Variants in PSMB7 observed in about 807,000 individuals in gnomAD.
PSMB7 encodes the protein proteasome 20S subunit beta 7.
A neutral mutation model predicts 28.1 loss-of-function variants in PSMB7; 5 were observed. The ratio of observed to expected loss-of-function variants is 0.18; its 90% CI spans 0.09 to 0.37. The LOEUF is 0.37. Among genes scored for constraint, PSMB7 ranks in the 10% least tolerant of loss-of-function variants. The probability of loss-of-function intolerance (pLI) is 1.00; values close to 1 mark genes in which losing one functional copy is unlikely to be tolerated. For synonymous variants in PSMB7, 122 were observed against 123.7 expected, an observed-to-expected ratio of 0.99 and a Z score of 0.09; for missense variants, 275 against 346.2, an observed-to-expected ratio of 0.79 and a Z score of 1.63.
intron 6 of PSMB7, among the ~76,000 whole-genome samples, chr9:124,373,774 G>A (rs1399347854): frequency 6.6e-6 from 1 of 152,174 alleles, no homozygotes; most frequent in African/African-American, 2.4e-5. Context: ...TGGAAAGGAG[G>A]ACATATAGAA....
intron 5 of PSMB7, among the ~76,000 whole-genome samples, chr9:124,402,463 G>A (rs952355802): frequency 6.6e-6 from 1 of 152,164 alleles, no homozygotes; most frequent in Non-Finnish European, 1.5e-5. Context: ...TAAATTTGAT[G>A]ACTTTATCAA....
At chr9:124,385,485 C>G (rs974775946) in intron 5 of PSMB7, among the ~76,000 whole-genome samples, 4 of 152,278 alleles carry the variant, frequency 2.6e-5, no homozygotes, top group African/African-American at 9.6e-5. Flanking sequence ...GTTCAAAAAC[C>G]AGAGAATCTT....
chr9:124,414,346 C>A lies in PSMB7; in HGVS notation c.157-341G>T, dbSNP rs944968283. On this transcript the variant is annotated intron_variant, in intron 2 of 7. Coordinates refer to ENST00000259457, the MANE Select transcript of PSMB7 (RefSeq NM_002799.4). Reference sequence around the variant, plus strand: ...TAAATTAGCCATCACTATCAATTTCCTTTTAAAACATGTTGCTTTTCTTTA... The same window carrying A: ...TAAATTAGCCATCACTATCAATTTCATTTTAAAACATGTTGCTTTTCTTTA... Among the ~76,000 whole-genome samples, 4 of 152,186 alleles carry A rather than the reference C, an allele frequency of 2.6e-5. No individual in the cohort carries two copies. The East Asian group carries it at 7.7e-4, about 29-fold the overall frequency.
At chr9:124,368,500 A>G (rs890368519) in intron 6 of PSMB7, among the ~76,000 whole-genome samples, 8 of 152,262 alleles carry the variant, frequency 5.3e-5, no homozygotes, top group Non-Finnish European at 8.8e-5. Flanking sequence ...GCAAAGAGCT[A>G]TCAAATTCAC....
rs1172930479 is a variant in PSMB7 at position 124,356,961 on chromosome 9, C to A, written c.571-46G>T. 3.1e-6 allele frequency: 5 copies of A among 1,609,780 alleles called. No homozygotes were observed. The highest frequency in any genetic ancestry group is 1.7e-4 in the Middle Eastern group (1 of 6,022). ...AATAATGTCCCCGGCCAAACTAGGG[C>A]CTGCTCTGACATCCGCAATGTACGT... On this transcript the variant is annotated intron_variant, in intron 6 of 7. Transcript: ENST00000259457. This position sits in a 1 kb window ranked among gnomAD's most constrained non-coding sequence, Gnocchi z 4.4.
chr9:124,413,535 C>T (rs1189911075), intron 3 of PSMB7, among the ~76,000 whole-genome samples: 1 of 151,790 alleles, frequency 6.6e-6, no homozygotes, highest in Non-Finnish European at 1.5e-5. Context: ...CAATAGGATG[C>T]CTAAGAGAGG....
chr9:124,413,013 G>A (rs1047498424), intron 3 of PSMB7, among the ~76,000 whole-genome samples: 1 of 151,698 alleles, frequency 6.6e-6, no homozygotes, highest in African/African-American at 2.4e-5. Flanking sequence ...AATTGATTCT[G>A]ATCATTAAGA....
chr9:124,395,045 C>G lies in PSMB7; in HGVS notation c.511+10272G>C, dbSNP rs559039982. 9.8e-5 allele frequency among the ~76,000 whole-genome samples: 15 copies of G among 152,310 alleles called. 1 individual carries two copies. The South Asian group carries it at 3.1e-3, about 32-fold the overall frequency. On this transcript the variant is annotated intron_variant, in intron 5 of 7. Coordinates refer to ENST00000259457, the MANE Select transcript of PSMB7 (RefSeq NM_002799.4). The stretch of plus-strand genomic sequence containing the variant: ...AAAAATGTATTGACACTAAAACTAT[C>G]AAAATACTATGCACCAAACATCTAC...
At chr9:124,377,828 C>T (rs1315423468) in intron 6 of PSMB7, among the ~76,000 whole-genome samples, 1 of 152,184 alleles carries the variant, frequency 6.6e-6, no homozygotes, top group African/African-American at 2.4e-5. Context: ...AGGAGCTCAT[C>T]CCTCGGTATT....
chr9:124,398,165 T>C (rs1588579693), intron 5 of PSMB7, among the ~76,000 whole-genome samples: 1 of 145,188 alleles, frequency 6.9e-6, no homozygotes, highest in Non-Finnish European at 1.5e-5. Context: ...AGAGTGAGAC[T>C]CCATCTCAAA....
At chr9:124,377,544 G>T (rs994737640) in intron 6 of PSMB7, among the ~76,000 whole-genome samples, 2 of 152,140 alleles carry the variant, frequency 1.3e-5, no homozygotes, top group South Asian at 2.1e-4. Context: ...AACCATATTG[G>T]TATCAACTCT....
intron 5 of PSMB7, among the ~76,000 whole-genome samples, chr9:124,402,043 G>T (rs1385423622): frequency 6.6e-6 from 1 of 151,006 alleles, no homozygotes; most frequent in Non-Finnish European, 1.5e-5. Flanking sequence ...GCTGATAAAT[G>T]AGTGGAGGAA....
chr9:124,357,986 C>T (rs1371077369), intron 6 of PSMB7, among the ~76,000 whole-genome samples: 1 of 152,192 alleles, frequency 6.6e-6, no homozygotes, highest in Admixed American at 6.5e-5. Context: ...CTGGGGAACA[C>T]CAAGTTCAAG....
chr9:124,394,595 G>A lies in PSMB7; in HGVS notation c.512-9939C>T, dbSNP rs184620783. ...GTCAGAGCAGGGAAAAAAGGAGGAAGAGCACCCATACATTAATTCAATACC... is the reference window on the plus strand; with the variant it reads ...GTCAGAGCAGGGAAAAAAGGAGGAAAAGCACCCATACATTAATTCAATACC... On this transcript the variant is annotated intron_variant, in intron 5 of 7. Transcript: ENST00000259457. Among the ~76,000 whole-genome samples the A allele has an allele frequency of 3.9e-4, 60 of 152,288 alleles. No homozygotes were observed. In the South Asian group the frequency reaches 5.8e-3, roughly 15 times the overall value.
At chr9:124,410,008 G>T (rs887696293) in intron 4 of PSMB7, among the ~76,000 whole-genome samples, 6 of 97,810 alleles carry the variant, frequency 6.1e-5, no homozygotes, top group African/African-American at 2.4e-4. Flanking sequence ...AGAGAATTTA[G>T]AATTTTTTTT....
chr9:124,367,844 C>G (rs1016628538), intron 6 of PSMB7, among the ~76,000 whole-genome samples: 1 of 152,190 alleles, frequency 6.6e-6, no homozygotes, highest in African/African-American at 2.4e-5. Flanking sequence ...TTCACCTGAT[C>G]CTACCCATCT....
chr9:124,360,080 A>AT (rs1056794034), intron 6 of PSMB7, among the ~76,000 whole-genome samples: 1 of 152,210 alleles, frequency 6.6e-6, no homozygotes, highest in Non-Finnish European at 1.5e-5. Flanking sequence ...TGACTACAGT[A>AT]TTTCCATACA....
intron 4 of PSMB7, among the ~76,000 whole-genome samples, chr9:124,410,937 A>T (rs1430029862): frequency 6.6e-6 from 1 of 152,012 alleles, no homozygotes; most frequent in African/African-American, 2.4e-5. Context: ...TTACGGCCAC[A>T]TGTTTCCAAT....
chr9:124,414,725 T>A, intron 2 of PSMB7, 117 bp downstream of exon 2: 1 of 786,388 alleles, frequency 1.3e-6, no homozygotes, highest in Non-Finnish European at 2.2e-6. Context: ...GACGGTCTCC[T>A]GATGTATTCT....
Sources: gnomAD v4.1 joint callset for allele counts (sites outside exome capture counted in the v4.1 genomes callset) on GRCh38, gnomAD v4.1.1 for gene constraint, Gnocchi (gnomAD v3.1) non-coding constraint, MANE v1.5 for transcripts, NCBI Gene and HGNC (gene_info 2026-07-23, HGNC 2026-07-21) for gene names.